CC2D1A: variants seen among roughly 807,000 people sequenced by gnomAD.
CC2D1A encodes the protein coiled-coil and C2 domain containing 1A.
Under a neutral mutation model 123.8 loss-of-function variants are expected in CC2D1A, and 68 were observed. The observed-to-expected ratio is 0.55, with a 90% confidence interval of 0.45 to 0.67. The LOEUF is 0.67. Among genes scored for constraint, CC2D1A ranks in the 30% least tolerant of loss-of-function variants. The pLI is 0.00. For missense variants in CC2D1A, 1,185 were observed against 1,290.3 expected, an observed-to-expected ratio of 0.92 and a Z score of 1.25; for synonymous variants, 477 against 528.0, an observed-to-expected ratio of 0.90 and a Z score of 1.32.
intron 6 of CC2D1A, among the ~76,000 whole-genome samples, chr19:13,915,819 C>T (rs1029210533): frequency 6.6e-6 from 1 of 151,906 alleles, no homozygotes; most frequent in Admixed American, 6.6e-5. Flanking sequence ...AGAGCAAGAT[C>T]TTATCTCTAA....
intron 2 of CC2D1A, 53 bp from the exon 3 acceptor site, chr19:13,912,270 G>T: frequency 3.3e-6 from 5 of 1,519,946 alleles, no homozygotes; most frequent in Non-Finnish European, 4.4e-6. Flanking sequence ...GATGGGAAAT[G>T]GGGGCTCTTG....
rs202064402 is a variant in CC2D1A at position 13,926,885 on chromosome 19, T to C, written c.2125+13T>C. 118 of 1,614,066 alleles carry C rather than the reference T, an allele frequency of 7.3e-5. No individual in the cohort carries two copies. The highest frequency in any genetic ancestry group is 9.4e-5 in the Non-Finnish European group (111 of 1,179,968). On this transcript the variant is annotated intron_variant, in intron 20 of 28. Coordinates refer to ENST00000318003, the MANE Select transcript of CC2D1A (RefSeq NM_017721.5). ...ACAGACTCCCCTGGTGAGCCTCGGC[T>C]GGAAGCACCCTACCCCTACTCCCTT...
At chr19:13,919,509 G>A (rs1971333007) in intron 11 of CC2D1A, among the ~76,000 whole-genome samples, 3 of 152,052 alleles carry the variant, frequency 2.0e-5, no homozygotes, top group Admixed American at 2.0e-4. Flanking sequence ...AGGCTGAGGT[G>A]GGAAAATCAC....
At chr19:13,921,356 G>C (rs1375406199) in intron 14 of CC2D1A, among the ~76,000 whole-genome samples, 1 of 151,470 alleles carries the variant, frequency 6.6e-6, no homozygotes, top group Non-Finnish European at 1.5e-5. Flanking sequence ...GTAGTCTCTT[G>C]TTGGTGCACT....
At chr19:13,919,097 C>T (rs1971312919) in intron 10 of CC2D1A, 33 bp from the exon 11 acceptor site, 2 of 1,604,026 alleles carry the variant, frequency 1.2e-6, no homozygotes, top group Non-Finnish European at 1.7e-6. Context: ...GGAGCCCTCC[C>T]ACAGGCAGCC....
In CC2D1A at chr19:13,913,242, T is replaced by A. The variant is rs372824446; in HGVS notation, c.453T>A (p.Ile151=). 94 of 1,613,408 alleles carry A rather than the reference T, an allele frequency of 5.8e-5. No homozygotes were observed. The highest frequency in any genetic ancestry group is 1.3e-4 in the Admixed American group (8 of 59,958). The change falls in exon 5 of 29, where the codon ATT becomes ATA. Residue 151 remains isoleucine (I), a synonymous_variant. Coordinates refer to ENST00000318003, the MANE Select transcript of CC2D1A (RefSeq NM_017721.5). The part of the protein sequence containing the change: ...QERLALYQTA[I]ESARQAGDSA... ...GGCTGGCGCTCTATCAGACAGCAAT[T>A]GAAAGCGCCAGACAAGCTGGAGACA...
rs1568418582 is a variant in CC2D1A at position 13,925,972 on chromosome 19, A to ATGTATATATATACACACATATATG, written c.1941-542_1941-541insATATATATACACACATATATGTGT. Among the ~76,000 whole-genome samples the ATGTATATATATACACACATATATG allele has an allele frequency of 2.3e-3, 244 of 105,354 alleles. 11 individuals carry two copies. The highest frequency in any genetic ancestry group is 0.01 in the African/African-American group (230 of 22,266). 69.1% of individuals were successfully genotyped at this position (105,354 alleles called of 152,430 possible). A position where few individuals can be genotyped will look rare whatever the true frequency, so the allele number is the denominator to read the frequency against. On this transcript the variant is annotated intron_variant, in intron 17 of 28. Coordinates refer to ENST00000318003, the MANE Select transcript of CC2D1A (RefSeq NM_017721.5). ...TATATATATATATACACGTATATAT[A>ATGTATATATATACACACATATATG]TGTGTATATATATATACATATATGT... is the stretch of plus-strand genomic sequence containing the variant.
Position 13,930,049 on chromosome 19 carries a change from G to A in CC2D1A, c.2711-29G>A. ...TGTGGGCAGTGAGGCCCCACCCTAA[G>A]CCTCCATTCCCCCGCCATCCATTCT... On this transcript the variant is annotated intron_variant, in intron 26 of 28. Coordinates refer to ENST00000318003, the MANE Select transcript of CC2D1A (RefSeq NM_017721.5). This position sits in a 1 kb window ranked among gnomAD's most constrained non-coding sequence, Gnocchi z 6.8. 2 of 1,607,592 alleles carry A rather than the reference G, an allele frequency of 1.2e-6. No homozygotes were observed. The highest frequency in any genetic ancestry group is 1.7e-6 in the Non-Finnish European group (2 of 1,177,340).
chr19:13,914,910 C>T (rs1158606983), intron 6 of CC2D1A, among the ~76,000 whole-genome samples: 1 of 152,270 alleles, frequency 6.6e-6, no homozygotes, highest in Non-Finnish European at 1.5e-5. Flanking sequence ...AGGCCTCCCT[C>T]CCTCTCTTTG....
chr19:13,919,959 G>A lies in CC2D1A; in HGVS notation c.1356+8G>A. ...GATGAGGTGCCTAAGAAGGTTTGAG[G>A]GTTGGGGCCGGGCGCAGTGGCTCAC... On this transcript the variant is annotated splice_region_variant and intron_variant, in intron 12 of 28. Coordinates refer to ENST00000318003, the MANE Select transcript of CC2D1A (RefSeq NM_017721.5). The A allele has an allele frequency of 3.7e-6, 6 of 1,609,646 alleles. No individual in the cohort carries two copies. The highest frequency in any genetic ancestry group is 1.1e-5 in the South Asian group (1 of 90,802).
chr19:13,908,662 C>CA (rs1467282009), intron 1 of CC2D1A, among the ~76,000 whole-genome samples: 4 of 151,738 alleles, frequency 2.6e-5, no homozygotes, highest in Non-Finnish European at 5.9e-5. Context: ...GACGGGGTTT[C>CA]ACCATGTTGG....
At chr19:13,924,459 C>T (rs750139383) in intron 17 of CC2D1A, among the ~76,000 whole-genome samples, 1 of 152,006 alleles carries the variant, frequency 6.6e-6, no homozygotes, top group Non-Finnish European at 1.5e-5. Context: ...CGTGAGCCAC[C>T]ACTCCCGGCC....
chr19:13,920,302 G>C (rs1048686329), intron 12 of CC2D1A: 45 of 539,474 alleles, frequency 8.3e-5, no homozygotes, highest in Middle Eastern at 4.7e-4. Flanking sequence ...CTTGAACCGG[G>C]AGGCAGAGGT....
rs893870548 is a variant in CC2D1A, at chr19:13,923,818, C to A, written c.1940+7C>A. The A allele has an allele frequency of 8.7e-6, 14 of 1,604,854 alleles. No individual in the cohort carries two copies. Among genetic ancestry groups the A allele is most frequent in the Non-Finnish European group, 1.2e-5 (14 of 1,171,628 alleles). On this transcript the variant is annotated splice_region_variant and intron_variant, in intron 17 of 28. Coordinates refer to ENST00000318003, the MANE Select transcript of CC2D1A (RefSeq NM_017721.5). The surrounding 1 kb of genome is among the most constrained non-coding windows in gnomAD (Gnocchi z 5.3). ...GGACCTTCAGCGTCATCAAGTAAGG[C>A]TCCTGATCTACGCCCCACCACGTGG... is the stretch of plus-strand genomic sequence containing the variant.
chr19:13,910,015 C>T (rs953783562), intron 2 of CC2D1A, 57 bp downstream of exon 2: 20 of 1,468,696 alleles, frequency 1.4e-5, no homozygotes, highest in Middle Eastern at 1.9e-4. Context: ...GTGGTTCGGG[C>T]GCAGAACTGG....
At position 13,923,469 on chromosome 19, in the gene CC2D1A, C is replaced by T. The variant is rs1971481369; in HGVS notation, c.1764+14C>T. 4 of 1,613,956 alleles carry T rather than the reference C, an allele frequency of 2.5e-6. No individual in the cohort carries two copies. The highest frequency in any genetic ancestry group is 1.7e-5 in the Admixed American group (1 of 59,990). On this transcript the variant is annotated intron_variant, in intron 15 of 28. Transcript: ENST00000318003. This position sits in a 1 kb window ranked among gnomAD's most constrained non-coding sequence, Gnocchi z 5.3. ...CAGCAGCACGAGGTGAGGGGGAGGC[C>T]CCCAGCCCATCCCCCAGGAGCGTGA...
In CC2D1A at chr19:13,930,340, C is replaced by T. The variant is rs759944256; in HGVS notation, c.2836-35C>T. 1.2e-6 allele frequency: 2 copies of T among 1,613,758 alleles called. No homozygotes were observed. The stretch of plus-strand genomic sequence containing the variant: ...TTGGGGGATCACTGTGGTCGTAGCC[C>T]ACCTCCATGACCCCAGTGGCCTCCT... On this transcript the variant is annotated intron_variant, in intron 28 of 28. Transcript: ENST00000318003. This position sits in a 1 kb window ranked among gnomAD's most constrained non-coding sequence, Gnocchi z 6.8.
In CC2D1A at chr19:13,928,026, C is replaced by T; in HGVS notation, c.2450C>T (p.Pro817Leu). 2 of 1,613,588 alleles carry T rather than the reference C, an allele frequency of 1.2e-6. No homozygotes were observed. The highest frequency in any genetic ancestry group is 1.7e-6 in the Non-Finnish European group (2 of 1,179,820). Residue 817 changes from proline (P) to leucine (L), a missense_variant, in exon 23 of 29, where the codon CCC becomes CTC. Physicochemically the swap from Pro to Leu is moderately conservative, Grantham distance 98 (BLOSUM62 -3). Coordinates refer to ENST00000318003, the MANE Select transcript of CC2D1A (RefSeq NM_017721.5). ...ATTGACCCTGTGCCGGCAGCTGTGC[C>T]CACAGTGAGACCCCCCACCCCCACC... ...LVIDPVPAAV[P>L]TQVAGPKGKA...
chr19:13,924,034 G>C (rs921433245), intron 17 of CC2D1A, among the ~76,000 whole-genome samples: 1 of 152,074 alleles, frequency 6.6e-6, no homozygotes. Context: ...GATCTAGAGA[G>C]TGCAAAGGTG....
Sources: gnomAD v4.1 joint callset for allele counts (sites outside exome capture counted in the v4.1 genomes callset) on GRCh38, gnomAD v4.1.1 for gene constraint, Gnocchi (gnomAD v3.1) non-coding constraint, MANE v1.5 for transcripts, NCBI Gene and HGNC (gene_info 2026-07-23, HGNC 2026-07-21) for gene names.